Variants in SLC6A20 observed in about 807,000 individuals in gnomAD.
SLC6A20 encodes sodium- and chloride-dependent transporter XTRP3.
In SLC6A20, 73 loss-of-function variants were observed where a neutral mutation model predicts 64.3. That is an observed-to-expected ratio of 1.14 (90% CI 0.94 to 1.38). The LOEUF (loss-of-function observed/expected upper bound fraction) is 1.38, where lower values mean the gene tolerates loss of function less well. Among genes scored for constraint, SLC6A20 ranks in the 40% most tolerant of loss-of-function variants. SLC6A20 has a pLI of 0.00. For synonymous variants in SLC6A20, 347 were observed against 329.6 expected, an observed-to-expected ratio of 1.05 and a Z score of -0.57; for missense variants, 725 against 772.8, an observed-to-expected ratio of 0.94 and a Z score of 0.73.
At position 45,758,898 on chromosome 3, in the gene SLC6A20, A is replaced by C. The variant is rs1021127903; in HGVS notation, c.*80T>G. The C allele has an allele frequency of 2.0e-6, 3 of 1,498,008 alleles. No individual in the cohort carries two copies. The Admixed American group carries it at 6.7e-5, about 34-fold the overall frequency. The allele number at this position is 1,498,008 out of a possible 1,614,324, so 92.8% of individuals were successfully genotyped here. A position where few individuals can be genotyped will look rare whatever the true frequency, so the allele number is the denominator to read the frequency against. ...TTGATGGGCTGAGCACTCCTGGCTT[A>C]AGCATTTGAAAAAGCAGCCGAGGAG... On this transcript the variant is annotated 3_prime_UTR_variant, in exon 11 of 11. Coordinates refer to ENST00000358525, the MANE Select transcript of SLC6A20 (RefSeq NM_020208.4).
intron 9 of SLC6A20, among the ~76,000 whole-genome samples, chr3:45,762,397 G>T (rs1430027353): frequency 2.0e-5 from 3 of 152,212 alleles, no homozygotes; most frequent in Non-Finnish European, 2.9e-5. Context: ...GAGTTTGAAG[G>T]TTGCTCTAGA....
intron 8 of SLC6A20, 54 bp from the exon 9 acceptor site, chr3:45,763,126 T>C: frequency 6.2e-7 from 1 of 1,607,698 alleles, no homozygotes; most frequent in Non-Finnish European, 8.5e-7. Flanking sequence ...CACTACTGCT[T>C]ACCAGTTCTC....
At chr3:45,768,294 GGAATAAA>G (rs1297822330) in intron 7 of SLC6A20, among the ~76,000 whole-genome samples, 2 of 151,804 alleles carry the variant, frequency 1.3e-5, no homozygotes, top group African/African-American at 4.8e-5. Context: ...CAAACAGCAG[GGAATAAA>G]GTGGAATGGG....
chr3:45,781,981 G>A, intron 2 of SLC6A20, 102 bp downstream of exon 2: 1 of 1,413,700 alleles, frequency 7.1e-7, no homozygotes, highest in African/African-American at 1.4e-5. Flanking sequence ...CTTGGGCCTT[G>A]TGCTCGCCCC....
In SLC6A20 at chr3:45,765,750, G is replaced by A. The variant is rs1487478460; in HGVS notation, c.1099-9C>T. On this transcript the variant is annotated splice_polypyrimidine_tract_variant and intron_variant, in intron 7 of 10. Coordinates refer to ENST00000358525, the MANE Select transcript of SLC6A20 (RefSeq NM_020208.4). This position sits in a 1 kb window ranked among gnomAD's most constrained non-coding sequence, Gnocchi z 4.2. ...CCAGTGCCCTGGACGGCCTGCCCAG[G>A]GTGAGAAGACACCAGTTACATGCAA... The A allele has an allele frequency of 1.2e-6, 2 of 1,614,090 alleles. No homozygotes were observed. Among genetic ancestry groups the A allele is most frequent in the South Asian group, 2.2e-5 (2 of 91,064 alleles).
At chr3:45,762,400 G>A (rs1559561647) in intron 9 of SLC6A20, among the ~76,000 whole-genome samples, 1 of 152,236 alleles carries the variant, frequency 6.6e-6, no homozygotes, top group Non-Finnish European at 1.5e-5. Flanking sequence ...TTTGAAGGTT[G>A]CTCTAGACCA....
At chr3:45,795,597 G>C (rs188376831) in intron 1 of SLC6A20, among the ~76,000 whole-genome samples, 50 of 152,252 alleles carry the variant, frequency 3.3e-4, no homozygotes, top group East Asian at 3.1e-3. Flanking sequence ...CTTCCAAAAA[G>C]GTACTTGGGC....
chr3:45,794,491 A>G (rs1168893470), intron 1 of SLC6A20, among the ~76,000 whole-genome samples: 1 of 152,086 alleles, frequency 6.6e-6, no homozygotes, highest in Non-Finnish European at 1.5e-5. Flanking sequence ...CCACTCATCT[A>G]TCTATCCACC....
intron 8 of SLC6A20, among the ~76,000 whole-genome samples, chr3:45,763,931 A>T (rs1267557993): frequency 6.6e-6 from 1 of 152,190 alleles, no homozygotes; most frequent in East Asian, 1.9e-4. Context: ...GCTGAAGGCT[A>T]TGGGCACACC....
chr3:45,758,512 GAAGAGA>G lies in SLC6A20; in HGVS notation c.*460_*465del, dbSNP rs1699590431. ...TGCATATTCACTACAACTCAAAAAA[GAAGAGA>G]ATTAATTTTGCACCACTGACAAATA... is the stretch of plus-strand genomic sequence containing the variant. On this transcript the variant is annotated 3_prime_UTR_variant, in exon 11 of 11. Coordinates refer to ENST00000358525, the MANE Select transcript of SLC6A20 (RefSeq NM_020208.4). 8.5e-7 allele frequency: 1 copy of G among 1,183,332 alleles called. No individual in the cohort carries two copies. The highest frequency in any genetic ancestry group is 1.1e-6 in the Non-Finnish European group (1 of 938,596). 73.3% of individuals were successfully genotyped at this position (1,183,332 alleles called of 1,614,324 possible).
At chr3:45,777,963 T>C (rs767075929) in intron 3 of SLC6A20, among the ~76,000 whole-genome samples, 5 of 152,124 alleles carry the variant, frequency 3.3e-5, no homozygotes, top group South Asian at 2.1e-4. Flanking sequence ...CTCCCCACCC[T>C]GCACCCCGCA....
intron 1 of SLC6A20, among the ~76,000 whole-genome samples, chr3:45,789,267 GAA>G (rs904290453): frequency 4.6e-5 from 7 of 151,822 alleles, no homozygotes; most frequent in Admixed American, 1.3e-4. Flanking sequence ...AATCACTTGA[GAA>G]AAAAAGTGAA....
intron 3 of SLC6A20, 29 bp downstream of exon 3, chr3:45,779,980 C>T (rs762599980): frequency 6.4e-7 from 1 of 1,574,160 alleles, no homozygotes; most frequent in South Asian, 1.2e-5. Flanking sequence ...CGCTCCTACT[C>T]CTGTTCTGGC....
chr3:45,793,274 C>G (rs906351682), intron 1 of SLC6A20, among the ~76,000 whole-genome samples: 41 of 152,158 alleles, frequency 2.7e-4, no homozygotes, highest in Admixed American at 7.2e-4. Flanking sequence ...ATATTTCCAC[C>G]AGTCACACAA....
At chr3:45,771,176 C>A in intron 6 of SLC6A20, 41 bp downstream of exon 6, 2 of 1,613,044 alleles carry the variant, frequency 1.2e-6, no homozygotes, top group Non-Finnish European at 1.7e-6. Flanking sequence ...CAGCTCAGAG[C>A]TCAGGGAGGC....
intron 1 of SLC6A20, among the ~76,000 whole-genome samples, chr3:45,788,268 A>AC (rs1391311849): frequency 6.6e-6 from 1 of 152,074 alleles, no homozygotes; most frequent in East Asian, 1.9e-4. Flanking sequence ...AAAAAAAAAA[A>AC]AATGATAAAA....
At chr3:45,782,054 T>A in intron 2 of SLC6A20, 29 bp downstream of exon 2, 1 of 1,568,012 alleles carries the variant, frequency 6.4e-7, no homozygotes. Flanking sequence ...GGTCTCTGGG[T>A]GGGAGAGGAC....
rs527706410 is a variant in SLC6A20 at position 45,760,049 on chromosome 3, C to G, written c.1464-27G>C. ...TATTTGGAAAACAGGGAGAGAAAGT[C>G]TGGATTAACCAGGCTGCGGAGGTCA... On this transcript the variant is annotated intron_variant, in intron 9 of 10. Coordinates refer to ENST00000358525, the MANE Select transcript of SLC6A20 (RefSeq NM_020208.4). The G allele has an allele frequency of 2.9e-5, 47 of 1,595,924 alleles. No homozygotes were observed. In the South Asian group the frequency reaches 4.9e-4, roughly 17 times the overall value.
intron 8 of SLC6A20, among the ~76,000 whole-genome samples, chr3:45,764,514 C>T (rs768679380): frequency 6.6e-6 from 1 of 152,050 alleles, no homozygotes; most frequent in Non-Finnish European, 1.5e-5. Flanking sequence ...ACCAGCCTGG[C>T]CAACACGGGG....
Sources: allele counts gnomAD v4.1 joint callset (sites outside exome capture counted in the v4.1 genomes callset), GRCh38; gene constraint gnomAD v4.1.1; non-coding constraint Gnocchi (gnomAD v3.1); transcripts MANE v1.5; gene names NCBI Gene and HGNC (gene_info 2026-07-23, HGNC 2026-07-21).